The following RBFOX3 variants were observed in gnomAD, a reference collection of about 807,000 sequenced individuals.
The protein encoded by RBFOX3 is RNA binding protein fox-1 homolog 3.
RBFOX3 carries 17 observed loss-of-function variants against 48.7 expected under a neutral mutation model. The observed-to-expected ratio is 0.35, with a 90% CI of 0.24 to 0.52. The LOEUF is 0.52. RBFOX3 is among the 20% of genes least tolerant of loss of function. The pLI is 0.94. For missense variants in RBFOX3, 382 were observed against 497.5 expected (o/e 0.77, Z 2.21); for synonymous variants, 212 against 209.5 (o/e 1.01, Z -0.10).
chr17:79,510,638 C>T (rs928434400), intron 1 of RBFOX3, among the ~76,000 whole-genome samples: 11 of 152,200 alleles, frequency 7.2e-5, no homozygotes, highest in Non-Finnish European at 1.3e-4. Flanking sequence ...AACAGCAGAG[C>T]TTGGGAATGC....
chr17:79,398,872 G>A lies in RBFOX3; in HGVS notation c.-175+83582C>T, dbSNP rs576591122. Among the ~76,000 whole-genome samples the A allele has an allele frequency of 1.1e-3, 168 of 152,268 alleles. 1 individual carries two copies. Among genetic ancestry groups the A allele is most frequent in the African/African-American group, 3.6e-3 (151 of 41,560 alleles). On this transcript the variant is annotated intron_variant, in intron 2 of 14. Coordinates refer to ENST00000693108, the MANE Select transcript of RBFOX3 (RefSeq NM_001350451.2). ...GTGTCCCTCTAAGATAAGTTGAAGC[G>A]CAAACCCCTGGTACCTGTGAACGAG... is the stretch of plus-strand genomic sequence containing the variant.
In RBFOX3 at chr17:79,222,118, TTGATTTCTACCCGCAGCC is replaced by T. The variant is rs1600091012; in HGVS notation, c.-34+13630_-34+13647del. 2.0e-5 allele frequency among the ~76,000 whole-genome samples: 3 copies of T among 149,966 alleles called. No individual in the cohort carries two copies. In the Admixed American group the frequency reaches 2.0e-4, roughly 10 times the overall value. ...CCCATTGCCTGATTTCTACTGCTGCTTGATTTCTACCCGCAGCCTGATTTCTACCTGCTGCCTGATTTC... is the reference window on the plus strand; with the variant it reads ...CCCATTGCCTGATTTCTACTGCTGCTTGATTTCTACCTGCTGCCTGATTTC... On this transcript the variant is annotated intron_variant, in intron 4 of 14. Transcript: ENST00000693108.
At chr17:79,635,783 A>G in the RBFOX3 span, among the ~76,000 whole-genome samples, 1 of 152,242 alleles carries the variant, frequency 6.6e-6, no homozygotes, top group Admixed American at 6.5e-5. Flanking sequence ...ATGCTGTTTC[A>G]CAGAAAAATA....
At chr17:79,621,214 G>C in the RBFOX3 span, among the ~76,000 whole-genome samples, 16 of 152,038 alleles carry the variant, frequency 1.1e-4, no homozygotes, top group Admixed American at 7.9e-4. Flanking sequence ...GGCCAGGCGG[G>C]TCTCGAACTC....
chr17:79,097,751 A>C lies in RBFOX3; in HGVS notation c.569-6T>G. The C allele has an allele frequency of 6.4e-7, 1 of 1,551,400 alleles. No homozygotes were observed. The highest frequency in any genetic ancestry group is 1.2e-5 in the South Asian group (1 of 84,058). On this transcript the variant is annotated splice_region_variant and splice_polypyrimidine_tract_variant and intron_variant, in intron 9 of 14. Transcript: ENST00000693108. Reference sequence around the variant, plus strand: ...CACTGGATTTAGCTTCCAGCCTAAAACAAAGGCACAGAGACCTAGTCACTG... The same window carrying C: ...CACTGGATTTAGCTTCCAGCCTAAACCAAAGGCACAGAGACCTAGTCACTG...
intron 1 of RBFOX3, among the ~76,000 whole-genome samples, chr17:79,529,144 T>C (rs2087284371): frequency 6.6e-6 from 1 of 151,934 alleles, no homozygotes; most frequent in South Asian, 2.1e-4. Context: ...TGCATTCCCC[T>C]GGTGAAGGGT....
At chr17:79,420,784 A>T (rs2066214975) in intron 2 of RBFOX3, among the ~76,000 whole-genome samples, 1 of 152,214 alleles carries the variant, frequency 6.6e-6, no homozygotes, top group Admixed American at 6.5e-5. Flanking sequence ...CTAGGACAGG[A>T]TGTCTAAGCC....
chr17:79,618,765 T>C, the RBFOX3 span, among the ~76,000 whole-genome samples: 3 of 152,166 alleles, frequency 2.0e-5, no homozygotes, highest in African/African-American at 7.2e-5. Context: ...TGTTTACAAT[T>C]GTGTAGGCAA....
intron 1 of RBFOX3, among the ~76,000 whole-genome samples, chr17:79,566,890 G>C (rs1031935556): frequency 2.6e-5 from 4 of 152,236 alleles, no homozygotes; most frequent in Admixed American, 6.5e-5. Context: ...AGAGTCACCA[G>C]CAATTTGCTT....
At chr17:79,339,477 C>T (rs1266525630) in intron 2 of RBFOX3, among the ~76,000 whole-genome samples, 4 of 152,206 alleles carry the variant, frequency 2.6e-5, no homozygotes, top group Non-Finnish European at 5.9e-5. Context: ...AGTAGAAAGA[C>T]AGATTCTCAC....
At chr17:79,104,748 C>T (rs1341880362) in intron 6 of RBFOX3, among the ~76,000 whole-genome samples, 1 of 152,114 alleles carries the variant, frequency 6.6e-6, no homozygotes, top group Non-Finnish European at 1.5e-5. Flanking sequence ...GAGAGCAGGA[C>T]CCCTGGTTGG....
chr17:79,162,958 G>A (rs549351872), intron 4 of RBFOX3, among the ~76,000 whole-genome samples: 2 of 152,336 alleles, frequency 1.3e-5, no homozygotes, highest in East Asian at 3.9e-4. Context: ...ACAAAGTCAC[G>A]GAGGAGACCG....
intron 5 of RBFOX3, among the ~76,000 whole-genome samples, chr17:79,109,056 T>C (rs1323465824): frequency 2.0e-5 from 3 of 152,210 alleles, no homozygotes; most frequent in Admixed American, 6.5e-5. Flanking sequence ...AGACGCGCCA[T>C]GTGGTATGCT....
At chr17:79,665,421 A>G in the RBFOX3 span, among the ~76,000 whole-genome samples, 2 of 151,170 alleles carry the variant, frequency 1.3e-5, no homozygotes, top group East Asian at 2.0e-4. Flanking sequence ...CCTGGAGAGG[A>G]GCGGAGCAGA....
chr17:79,302,366 T>C (rs1568005045), intron 3 of RBFOX3, among the ~76,000 whole-genome samples: 1 of 152,200 alleles, frequency 6.6e-6, no homozygotes, highest in Admixed American at 6.5e-5. Flanking sequence ...TGTTTCTGGT[T>C]CCTGGCAAGC....
chr17:79,100,955 C>T (rs900871131), intron 9 of RBFOX3, among the ~76,000 whole-genome samples: 2 of 152,206 alleles, frequency 1.3e-5, no homozygotes, highest in East Asian at 1.9e-4. Context: ...GGCCTCAGGG[C>T]CACCCATGTC....
intron 2 of RBFOX3, among the ~76,000 whole-genome samples, chr17:79,376,322 T>C (rs1231554091): frequency 2.0e-5 from 3 of 152,154 alleles, no homozygotes; most frequent in Admixed American, 6.5e-5. Flanking sequence ...TCTCTGTTCC[T>C]GAAGCTGCCT....
chr17:79,369,517 C>T (rs377576369), intron 2 of RBFOX3, among the ~76,000 whole-genome samples: 45 of 151,968 alleles, frequency 3.0e-4, no homozygotes, highest in Non-Finnish European at 5.2e-4. Context: ...ATACACAAGG[C>T]GCCTCCTCCC....
chr17:79,286,441 C>A (rs1318388618), intron 3 of RBFOX3, among the ~76,000 whole-genome samples: 2 of 152,198 alleles, frequency 1.3e-5, no homozygotes, highest in Non-Finnish European at 2.9e-5. Context: ...CTTCTCTCCC[C>A]CTGCAGCCTG....
Sources: gnomAD v4.1 joint callset for allele counts (sites outside exome capture counted in the v4.1 genomes callset) on GRCh38, gnomAD v4.1.1 for gene constraint, MANE v1.5 for transcripts, NCBI Gene and HGNC (gene_info 2026-07-23, HGNC 2026-07-21) for gene names.